The following ELMO1 variants were observed in gnomAD, a reference collection of about 807,000 sequenced individuals.
ELMO1 encodes the protein engulfment and cell motility 1, also known as engulfment and cell motility protein 1.
Under a neutral mutation model 98.9 loss-of-function variants are expected in ELMO1, and 26 were observed. That is an observed-to-expected ratio of 0.26 (90% CI 0.19 to 0.36). The LOEUF (loss-of-function observed/expected upper bound fraction) is 0.36. Among genes scored for constraint, ELMO1 ranks in the 10% least tolerant of loss-of-function variants. ELMO1 has a pLI of 1.00. For synonymous variants in ELMO1, 346 were observed against 346.0 expected (o/e 1.00, Z 0.00); for missense variants, 627 against 935.2 (o/e 0.67, Z 4.30).
chr7:37,276,333 G>C (rs1035390162), intron 4 of ELMO1, among the ~76,000 whole-genome samples: 4 of 152,188 alleles, frequency 2.6e-5, no homozygotes, highest in African/African-American at 9.7e-5. Flanking sequence ...CGTAGGCCGG[G>C]CACGGTGGCT....
At chr7:36,881,581 G>A (rs1270044163) in intron 18 of ELMO1, among the ~76,000 whole-genome samples, 2 of 152,126 alleles carry the variant, frequency 1.3e-5, no homozygotes, top group Non-Finnish European at 2.9e-5. Context: ...ACTAATGAGA[G>A]TACGTTAATA....
At chr7:36,975,404 G>A (rs146719784) in intron 16 of ELMO1, among the ~76,000 whole-genome samples, 10,794 of 151,552 alleles carry the variant, frequency 0.071, 516 homozygotes, top group Middle Eastern at 0.18. Context: ...CCTGGGAGGC[G>A]GAGGTTGCAG....
intron 16 of ELMO1, among the ~76,000 whole-genome samples, chr7:36,989,050 A>G (rs1236124879): frequency 6.6e-6 from 1 of 152,248 alleles, no homozygotes; most frequent in African/African-American, 2.4e-5. Context: ...TTTATTGAGC[A>G]ATTAATAATC....
intron 2 of ELMO1, among the ~76,000 whole-genome samples, chr7:37,318,089 G>A (rs909812448): frequency 4.6e-5 from 7 of 152,208 alleles, no homozygotes; most frequent in African/African-American, 1.7e-4. Flanking sequence ...AGATGACAAT[G>A]GCAATTGGGT....
chr7:37,109,315 A>G (rs1323466718), intron 14 of ELMO1, among the ~76,000 whole-genome samples: 1 of 152,244 alleles, frequency 6.6e-6, no homozygotes, highest in Non-Finnish European at 1.5e-5. Context: ...TTTACAGAAC[A>G]TTGGAATGTG....
chr7:37,174,158 TC>T (rs1302294186), intron 13 of ELMO1, among the ~76,000 whole-genome samples: 5 of 152,166 alleles, frequency 3.3e-5, no homozygotes, highest in African/African-American at 1.2e-4. Context: ...TTTACACATC[TC>T]AAGCAAATGA....
At chr7:37,005,685 T>A (rs1158865266) in intron 16 of ELMO1, among the ~76,000 whole-genome samples, 7 of 116,986 alleles carry the variant, frequency 6.0e-5, no homozygotes, top group Non-Finnish European at 1.1e-4. Context: ...AGAGCGAGAC[T>A]CTGTCTCAAA....
chr7:37,388,923 A>AT (rs1346707901), intron 1 of ELMO1, among the ~76,000 whole-genome samples: 2 of 152,208 alleles, frequency 1.3e-5, no homozygotes, highest in Non-Finnish European at 2.9e-5. Flanking sequence ...TCCAATACAC[A>AT]TTTTAGAAGT....
intron 15 of ELMO1, among the ~76,000 whole-genome samples, chr7:37,048,846 A>C (rs771893092): frequency 6.6e-5 from 10 of 152,186 alleles, no homozygotes; most frequent in Non-Finnish European, 1.3e-4. Flanking sequence ...GTTAAAGTTC[A>C]GTTGACTCAG....
At chr7:36,936,242 A>AC (rs1488573060) in intron 16 of ELMO1, among the ~76,000 whole-genome samples, 1 of 151,888 alleles carries the variant, frequency 6.6e-6, no homozygotes, top group East Asian at 1.9e-4. Context: ...TTCTGAAGAG[A>AC]CCCCTGTCTC....
At chr7:37,176,893 A>C (rs545633982) in intron 13 of ELMO1, among the ~76,000 whole-genome samples, 14 of 152,370 alleles carry the variant, frequency 9.2e-5, no homozygotes, top group African/African-American at 3.4e-4. Context: ...AATCAACGTC[A>C]GACAATACTG....
chr7:37,301,333 GA>G (rs3054217), intron 4 of ELMO1, among the ~76,000 whole-genome samples: 9,902 of 150,478 alleles, frequency 0.066, 954 homozygotes, highest in African/African-American at 0.21. Context: ...GAATATATCA[GA>G]AAAAAAAAAA....
At chr7:37,049,797 G>C (rs373635935) in intron 15 of ELMO1, among the ~76,000 whole-genome samples, 1 of 136,312 alleles carries the variant, frequency 7.3e-6, no homozygotes, top group Non-Finnish European at 1.6e-5. Context: ...TTTTTTTTGA[G>C]ATGGAGTTTT....
chr7:36,874,214 G>C (rs1259598928), intron 19 of ELMO1, among the ~76,000 whole-genome samples: 2 of 152,230 alleles, frequency 1.3e-5, no homozygotes, highest in African/African-American at 4.8e-5. Context: ...GTTGCTCTGA[G>C]AGTTAAATCC....
intron 14 of ELMO1, among the ~76,000 whole-genome samples, chr7:37,111,661 C>T (rs1408589354): frequency 3.3e-5 from 5 of 152,198 alleles, no homozygotes; most frequent in African/African-American, 4.8e-5. Flanking sequence ...TGAGCCTCAG[C>T]GCTCTCATCT....
At chr7:37,163,542 G>A (rs1488185813) in intron 13 of ELMO1, among the ~76,000 whole-genome samples, 4 of 12,934 alleles carry the variant, frequency 3.1e-4, no homozygotes, top group Non-Finnish European at 2.6e-3. Flanking sequence ...CCCTTCCTGT[G>A]TCCATTGATC....
At chr7:36,856,819 C>A (rs1405381742) in intron 21 of ELMO1, among the ~76,000 whole-genome samples, 1 of 152,212 alleles carries the variant, frequency 6.6e-6, no homozygotes, top group East Asian at 1.9e-4. Context: ...TCTATAACAG[C>A]AATTGTTCTC....
chr7:37,177,481 T>G (rs942476041), intron 13 of ELMO1, among the ~76,000 whole-genome samples: 1 of 152,228 alleles, frequency 6.6e-6, no homozygotes, highest in Non-Finnish European at 1.5e-5. Context: ...TAATTTAAAA[T>G]GTATTCTGAG....
intron 13 of ELMO1, among the ~76,000 whole-genome samples, chr7:37,183,100 T>C (rs1014971147): frequency 6.6e-6 from 1 of 152,160 alleles, no homozygotes; most frequent in African/African-American, 2.4e-5. Context: ...AGAACAATTT[T>C]AAATGGAAAT....
Sources: gnomAD v4.1 joint callset for allele counts (sites outside exome capture counted in the v4.1 genomes callset) on GRCh38, gnomAD v4.1.1 for gene constraint, MANE v1.5 for transcripts, NCBI Gene and HGNC (gene_info 2026-07-23, HGNC 2026-07-21) for gene names.